FAM149A: variants seen among roughly 807,000 people sequenced by gnomAD.
The protein encoded by FAM149A is family with sequence similarity 149 member A, also known as protein FAM149A.
In FAM149A, 71 loss-of-function variants were observed where a neutral mutation model predicts 78.2. The observed-to-expected ratio is 0.91, with a 90% CI of 0.75 to 1.11. The LOEUF is 1.11. Ranked by LOEUF, FAM149A falls within the 50% of genes least tolerant of loss-of-function variation. The pLI is 0.00. For synonymous variants in FAM149A, 446 were observed against 410.5 expected, an observed-to-expected ratio of 1.09 and a Z score of -1.04; for missense variants, 1,036 against 971.0, an observed-to-expected ratio of 1.07 and a Z score of -0.89.
intron 1 of FAM149A, among the ~76,000 whole-genome samples, chr4:186,111,711 T>G (rs556059983): frequency 0.052 from 7,926 of 151,118 alleles, 228 homozygotes; most frequent in Admixed American, 0.074. Context: ...GTTGTAGATA[T>G]GCGGCATTAT....
chr4:186,105,435 C>T lies in FAM149A; in HGVS notation c.359C>T (p.Pro120Leu), dbSNP rs1171521639. Reference sequence around the variant, plus strand: ...ACTCCCTCCGGCGGGGGCTGCTCCCCTGCTCGCCTGGTGGTCCCAGCGCGG... The same window carrying T: ...ACTCCCTCCGGCGGGGGCTGCTCCCTTGCTCGCCTGGTGGTCCCAGCGCGG... Residue 120 changes from proline to leucine, a missense_variant, in exon 1 of 14, where the codon CCT becomes CTT. Pro to Leu is a moderately conservative substitution (Grantham distance 98). Coordinates refer to ENST00000389354, the MANE Select transcript of FAM149A (RefSeq NM_001367768.3). The T allele has an allele frequency of 1.6e-6, 2 of 1,213,586 alleles. No homozygotes were observed. The highest frequency in any genetic ancestry group is 3.2e-5 in the Admixed American group (1 of 31,656). The allele number at this position is 1,213,586 out of a possible 1,614,324, so 75.2% of individuals were successfully genotyped here.
chr4:186,168,451 GT>G (rs964115794), intron 13 of FAM149A, among the ~76,000 whole-genome samples: 8 of 152,180 alleles, frequency 5.3e-5, no homozygotes, highest in Non-Finnish European at 1.2e-4. Flanking sequence ...CACCTCCCAG[GT>G]TCAAGCGATT....
rs539945256 is a variant in FAM149A at position 186,104,705 on chromosome 4, G to T, written c.-372G>T. Reference sequence around the variant, plus strand: ...CCGAGCCGCACCTGGGGCCCAATTAGCCTGGAGCGCGGCCGGGTGTGTTGA... The same window carrying T: ...CCGAGCCGCACCTGGGGCCCAATTATCCTGGAGCGCGGCCGGGTGTGTTGA... On this transcript the variant is annotated 5_prime_UTR_variant, in exon 1 of 14. Coordinates refer to ENST00000389354, the MANE Select transcript of FAM149A (RefSeq NM_001367768.3). 1.3e-5 allele frequency among the ~76,000 whole-genome samples: 2 copies of T among 150,836 alleles called. No individual in the cohort carries two copies. The highest frequency in any genetic ancestry group is 6.6e-5 in the Admixed American group (1 of 15,232).
intron 1 of FAM149A, chr4:186,118,326 A>G (rs2099314588): frequency 1.4e-6 from 1 of 728,464 alleles, no homozygotes; most frequent in African/African-American, 1.9e-5. Context: ...ACCTGCTTGC[A>G]GTTACCAGGT....
At chr4:186,155,307 T>C (rs1733963248) in intron 6 of FAM149A, among the ~76,000 whole-genome samples, 1 of 152,172 alleles carries the variant, frequency 6.6e-6, no homozygotes, top group Admixed American at 6.5e-5. Flanking sequence ...TATTACATGA[T>C]AAAACTTTGC....
chr4:186,168,787 A>G (rs1735282742), intron 13 of FAM149A, among the ~76,000 whole-genome samples: 1 of 152,204 alleles, frequency 6.6e-6, no homozygotes, highest in African/African-American at 2.4e-5. Flanking sequence ...GGATTCAAAC[A>G]GCAGGGGTGT....
intron 1 of FAM149A, chr4:186,144,000 A>G (rs1005759223): frequency 6.6e-6 from 1 of 152,248 alleles, no homozygotes; most frequent in Non-Finnish European, 1.5e-5. Context: ...CTCAGCTCTC[A>G]AAAGAGACTG....
Position 186,149,262 on chromosome 4 carries a change from A to C in FAM149A, c.656A>C (p.Lys219Thr), listed in dbSNP as rs929216699. ...ACGCATTTTACAAGAAATGTGCAGA[A>C]AGCCATTGATAAATATACCTGGTAA... Residue 219 changes from lysine to threonine, a missense_variant, in exon 2 of 14, where the codon AAA becomes ACA. Coordinates refer to ENST00000389354, the MANE Select transcript of FAM149A (RefSeq NM_001367768.3). 2.1e-5 allele frequency: 27 copies of C among 1,288,848 alleles called. No individual in the cohort carries two copies. The highest frequency in any genetic ancestry group is 4.6e-5 in the Admixed American group (2 of 43,400). 79.8% of individuals were successfully genotyped at this position (1,288,848 alleles called of 1,614,324 possible).
intron 1 of FAM149A, 85 bp downstream of exon 1, chr4:186,105,727 A>G: frequency 2.2e-6 from 2 of 894,302 alleles, no homozygotes; most frequent in Non-Finnish European, 2.7e-6. Context: ...TCGCAGGTGC[A>G]CTTCAGGAAA....
intron 1 of FAM149A, among the ~76,000 whole-genome samples, chr4:186,145,893 GT>G (rs760025464): frequency 1.1e-4 from 17 of 151,948 alleles, no homozygotes; most frequent in Non-Finnish European, 2.1e-4. Context: ...CTAGTCCATA[GT>G]TTATAGGGGA....
chr4:186,105,046 G>A lies in FAM149A; in HGVS notation c.-31G>A, dbSNP rs760384161. ...TCTCCGCGGTCTGAACTCTCGGGCG[G>A]CGGCGAGGACGGCGTGTCCACTGTC... On this transcript the variant is annotated 5_prime_UTR_variant, in exon 1 of 14. Coordinates refer to ENST00000389354, the MANE Select transcript of FAM149A (RefSeq NM_001367768.3). 1 of 1,264,420 alleles carries A rather than the reference G, an allele frequency of 7.9e-7. No individual in the cohort carries two copies. The highest frequency in any genetic ancestry group is 2.4e-5 in the Admixed American group (1 of 41,638). The allele number at this position is 1,264,420 out of a possible 1,614,324, so 78.3% of individuals were successfully genotyped here.
intron 2 of FAM149A, 60 bp from the exon 3 acceptor site, chr4:186,149,506 A>G (rs1733305279): frequency 7.8e-7 from 1 of 1,283,654 alleles, no homozygotes; most frequent in Admixed American, 2.3e-5. Flanking sequence ...AAGTGAAGCC[A>G]CTTAGCCATC....
rs1178213660 is a variant in FAM149A at position 186,154,523 on chromosome 4, C to A, written c.1114C>A (p.Pro372Thr). Residue 372 changes from proline to threonine, a missense_variant, in exon 6 of 14, where the codon CCA becomes ACA. Pro to Thr is a conservative substitution (Grantham distance 38, BLOSUM62 -1). Around this residue, in one of 3 missense-constraint regions of FAM149A, gnomAD observed 716 missense variants for 711.8 expected, o/e 1.01. Transcript: ENST00000389354. ...AGCAGCACTCTCAGCCTCTGCCCTG[C>A]CAGGCCCTGATGACACAGGGGTTGC... The A allele has an allele frequency of 3.7e-6, 6 of 1,613,958 alleles. No individual in the cohort carries two copies. In the African/African-American group the frequency reaches 6.7e-5, roughly 18 times the overall value.
chr4:186,155,919 C>T, intron 6 of FAM149A, 81 bp from the exon 7 acceptor site: 1 of 1,090,684 alleles, frequency 9.2e-7, no homozygotes, highest in Non-Finnish European at 1.3e-6. Flanking sequence ...TATACATGTA[C>T]ATACGTGAAT....
intron 11 of FAM149A, among the ~76,000 whole-genome samples, chr4:186,165,922 T>C (rs1228498448): frequency 2.0e-5 from 3 of 152,238 alleles, no homozygotes; most frequent in Non-Finnish European, 4.4e-5. Context: ...AATGAACTCA[T>C]AGGTGTTAAA....
Position 186,145,418 on chromosome 4 carries a change from A to G in FAM149A, c.567-3755A>G, listed in dbSNP as rs111547444. 8.8e-4 allele frequency among the ~76,000 whole-genome samples: 134 copies of G among 152,272 alleles called. 3 individuals are homozygous for G. The highest frequency in any genetic ancestry group is 2.9e-3 in the African/African-American group (119 of 41,566). On this transcript the variant is annotated intron_variant, in intron 1 of 13. Transcript: ENST00000389354. ...TGTGTGTCCCCCCATCCAGAAAACC[A>G]GCCTGCATTTTAACCCGTTCAGAGT...
chr4:186,115,445 C>T (rs1019037974), intron 1 of FAM149A, among the ~76,000 whole-genome samples: 13 of 143,622 alleles, frequency 9.1e-5, no homozygotes, highest in South Asian at 2.4e-4. Context: ...TGAGGAACTG[C>T]GTTCCTTTGG....
chr4:186,151,099 GC>G, intron 3 of FAM149A: 1 of 982,274 alleles, frequency 1.0e-6, no homozygotes, highest in Non-Finnish European at 1.2e-6. Flanking sequence ...AGGGGAGCCG[GC>G]AGGGCAGGTG....
chr4:186,110,810 T>C lies in FAM149A; in HGVS notation c.566+5168T>C, dbSNP rs1339585008. Among the ~76,000 whole-genome samples, 96 of 150,084 alleles carry C rather than the reference T, an allele frequency of 6.4e-4. No homozygotes were observed. The South Asian group carries it at 0.02, about 31-fold the overall frequency. ...AGTCTATCATTGTTGGACATTTGGG[T>C]TGGTTCCAAGTCTTTGCTATTGTGA... On this transcript the variant is annotated intron_variant, in intron 1 of 13. Coordinates refer to ENST00000389354, the MANE Select transcript of FAM149A (RefSeq NM_001367768.3).
Sources: gnomAD v4.1 joint callset for allele counts (sites outside exome capture counted in the v4.1 genomes callset) on GRCh38, gnomAD v4.1.1 for gene constraint, gnomAD v4.1.1 regional missense constraint, MANE v1.5 for transcripts, NCBI Gene and HGNC (gene_info 2026-07-23, HGNC 2026-07-21) for gene names.